KMT2C: variants seen among roughly 807,000 people sequenced by gnomAD.
KMT2C encodes lysine methyltransferase 2C.
Under a neutral mutation model 507.9 loss-of-function variants are expected in KMT2C, and 88 were observed. The observed-to-expected ratio is 0.17, with a 90% CI of 0.15 to 0.21. KMT2C has a LOEUF of 0.21. Among genes scored for constraint, KMT2C ranks in the 10% least tolerant of loss-of-function variants. The pLI, the probability that KMT2C is intolerant of heterozygous loss-of-function variation, is 1.00. For missense variants in KMT2C, 4,954 were observed against 5,957.8 expected, an observed-to-expected ratio of 0.83 and a Z score of 5.55; for synonymous variants, 2,049 against 2,080.8, an observed-to-expected ratio of 0.98 and a Z score of 0.42.
intron 2 of KMT2C, among the ~76,000 whole-genome samples, chr7:152,337,142 CACCAGTAGA>C (rs2096942882): frequency 6.6e-6 from 1 of 152,160 alleles, no homozygotes; most frequent in South Asian, 2.1e-4. Context: ...TGGTGGCACA[CACCAGTAGA>C]CCCAGCTATT....
At chr7:152,429,808 C>A (rs1489644784) in intron 1 of KMT2C, among the ~76,000 whole-genome samples, 1 of 151,738 alleles carries the variant, frequency 6.6e-6, no homozygotes, top group Non-Finnish European at 1.5e-5. Flanking sequence ...TGTGAGCCAC[C>A]GTGCCCAGCC....
chr7:152,184,291 A>G (rs959528455), intron 34 of KMT2C, among the ~76,000 whole-genome samples: 7 of 152,276 alleles, frequency 4.6e-5, no homozygotes, highest in Non-Finnish European at 1.0e-4. Flanking sequence ...TCTATCCAAA[A>G]TAATCACTGT....
At chr7:152,305,039 C>T (rs1183354163) in intron 6 of KMT2C, among the ~76,000 whole-genome samples, 2 of 152,046 alleles carry the variant, frequency 1.3e-5, no homozygotes, top group Non-Finnish European at 2.9e-5. Context: ...TATTGATAAC[C>T]TCCAGTAACA....
chr7:152,160,567 G>A (rs1056020732), intron 43 of KMT2C, among the ~76,000 whole-genome samples: 23 of 151,170 alleles, frequency 1.5e-4, no homozygotes, highest in Admixed American at 6.6e-4. Flanking sequence ...TGGATGCTGC[G>A]GATCCCCAAG....
chr7:152,375,729 T>C (rs2097324312), intron 1 of KMT2C, among the ~76,000 whole-genome samples: 3 of 152,064 alleles, frequency 2.0e-5, no homozygotes, highest in African/African-American at 4.8e-5. Context: ...TGCACTCACT[T>C]TGTGTCTCTG....
chr7:152,166,123 A>AT (rs1190668716), intron 42 of KMT2C, among the ~76,000 whole-genome samples: 13,874 of 135,904 alleles, frequency 0.1, 1,406 homozygotes, highest in African/African-American at 0.25. Flanking sequence ...GAGCACTCAC[A>AT]TTTTTTTTTT....
intron 2 of KMT2C, among the ~76,000 whole-genome samples, chr7:152,337,729 GA>G (rs1157490492): frequency 6.6e-6 from 1 of 151,620 alleles, no homozygotes; most frequent in Non-Finnish European, 1.5e-5. Context: ...AAAAAAAAAA[GA>G]ACGCATGAAA....
chr7:152,410,925 G>A (rs997720016), intron 1 of KMT2C, among the ~76,000 whole-genome samples: 3 of 151,442 alleles, frequency 2.0e-5, no homozygotes, highest in African/African-American at 7.3e-5. Context: ...GATCACTGGG[G>A]TTGGAAGGTC....
At chr7:152,334,635 T>A (rs2096917150) in intron 2 of KMT2C, among the ~76,000 whole-genome samples, 1 of 151,462 alleles carries the variant, frequency 6.6e-6, no homozygotes, top group Non-Finnish European at 1.5e-5. Flanking sequence ...CGCAACCTCA[T>A]CATCTAAAAG....
In KMT2C at chr7:152,156,028, G is replaced by C. The variant is rs1055248357; in HGVS notation, c.11842C>G (p.Gln3948Glu). Residue 3948 changes from glutamine (Q) to glutamate (E), a missense_variant, in exon 46 of 59, where the codon CAG (glutamine) becomes GAG (glutamate). This residue lies in a region of KMT2C where 104 missense variants were observed against 134.3 expected (regional missense o/e 0.77). Coordinates refer to ENST00000262189, the MANE Select transcript of KMT2C (RefSeq NM_170606.3). ...TCGTCCTGGGGTCTGAAGGGCAGCT[G>C]AAATGGTTTAGGTCCTAGAGTTTTG... is the stretch of plus-strand genomic sequence containing the variant. ...VTKTLGPKPF[Q>E]LPFRPQDDLL... 2 of 1,605,596 alleles carry C rather than the reference G, an allele frequency of 1.2e-6. No individual in the cohort carries two copies. Among genetic ancestry groups the C allele is most frequent in the Non-Finnish European group, 8.5e-7 (1 of 1,178,044 alleles).
At chr7:152,432,217 C>CCCCACA in intron 1 of KMT2C, among the ~76,000 whole-genome samples, 1 of 152,256 alleles carries the variant, frequency 6.6e-6, no homozygotes, top group East Asian at 1.9e-4. Context: ...CACCCCCATC[C>CCCCACA]CCCACACCCA....
rs1042119281 is a variant in KMT2C, at chr7:152,174,164, T to C, written c.9341A>G (p.Asn3114Ser). The part of the protein sequence containing the change: ...LKGINKVMAQ[N>S]NLGMPPMVMS... Reference sequence around the variant, plus strand: ...CACCATTGGTGGCATGCCCAGATTGTTTTGTGCCATCACTTTATTTATACC... The same window carrying C: ...CACCATTGGTGGCATGCCCAGATTGCTTTGTGCCATCACTTTATTTATACC... The change falls in exon 39 of 59, where the codon AAC becomes AGC. Residue 3114 changes from asparagine (N) to serine (S), a missense_variant. This residue lies in a region of KMT2C where 1,689 missense variants were observed against 1,654.3 expected (regional missense o/e 1.02). Coordinates refer to ENST00000262189, the MANE Select transcript of KMT2C (RefSeq NM_170606.3). 6 of 1,610,764 alleles carry C rather than the reference T, an allele frequency of 3.7e-6. No homozygotes were observed. Among genetic ancestry groups the C allele is most frequent in the Non-Finnish European group, 4.2e-6 (5 of 1,178,268 alleles).
intron 6 of KMT2C, among the ~76,000 whole-genome samples, chr7:152,293,412 G>C (rs2096456090): frequency 6.6e-6 from 1 of 152,102 alleles, no homozygotes; most frequent in South Asian, 2.1e-4. Flanking sequence ...TTTAATTTTT[G>C]AAATAAAAAC....
At chr7:152,194,418 A>G in intron 29 of KMT2C, 22 bp downstream of exon 29, 1 of 1,610,238 alleles carries the variant, frequency 6.2e-7, no homozygotes, top group South Asian at 1.1e-5. Context: ...TAGAAAGCCT[A>G]GATGTAGGGC....
intron 28 of KMT2C, 136 bp downstream of exon 28, chr7:152,195,771 G>T: frequency 1.9e-6 from 1 of 521,196 alleles, no homozygotes. Context: ...CAAAGAAAAT[G>T]CTGAGTCCTT....
intron 23 of KMT2C, among the ~76,000 whole-genome samples, chr7:152,214,207 T>C (rs1445690116): frequency 2.0e-5 from 3 of 151,452 alleles, no homozygotes; most frequent in African/African-American, 7.3e-5. Context: ...CAACAATGCC[T>C]CTGTTGGGCA....
At position 152,242,528 on chromosome 7, in the gene KMT2C, A is replaced by C. The variant is rs1380645720; in HGVS notation, c.2533-3702T>G. 3.3e-5 allele frequency among the ~76,000 whole-genome samples: 5 copies of C among 152,316 alleles called. No homozygotes were observed. The South Asian group carries it at 8.3e-4, about 25-fold the overall frequency. On this transcript the variant is annotated intron_variant, in intron 14 of 58. Transcript: ENST00000262189. ...CTATCAAATACTACAGAAACTAAAA[A>C]AACACTACCTGGCAGGGACTGAATT...
At chr7:152,203,423 G>GT (rs1478017164) in intron 25 of KMT2C, among the ~76,000 whole-genome samples, 1 of 152,068 alleles carries the variant, frequency 6.6e-6, no homozygotes, top group Non-Finnish European at 1.5e-5. Flanking sequence ...TTCTGTGGGT[G>GT]TAACTTTTTT....
intron 9 of KMT2C, among the ~76,000 whole-genome samples, chr7:152,256,189 A>G (rs2095658893): frequency 6.6e-6 from 1 of 152,070 alleles, no homozygotes; most frequent in Admixed American, 6.6e-5. Context: ...ATAAACATAA[A>G]AACTGCAAAT....
Sources: allele counts gnomAD v4.1 joint callset (sites outside exome capture counted in the v4.1 genomes callset), GRCh38; gene constraint gnomAD v4.1.1; regional missense constraint gnomAD v4.1.1; transcripts MANE v1.5; gene names NCBI Gene and HGNC (gene_info 2026-07-23, HGNC 2026-07-21).